SASH1: variants seen among roughly 807,000 people sequenced by gnomAD.
SASH1 encodes SAM and SH3 domain containing 1.
A neutral mutation model predicts 125.2 loss-of-function variants in SASH1; 44 were observed. That is an observed-to-expected ratio of 0.35 (90% CI 0.28 to 0.45). The LOEUF (loss-of-function observed/expected upper bound fraction) is 0.45. SASH1 is among the 20% of genes least tolerant of loss of function. SASH1 has a pLI of 1.00. For missense variants in SASH1, 1,426 were observed against 1,614.5 expected, an observed-to-expected ratio of 0.88 and a Z score of 2.00; for synonymous variants, 639 against 649.1, an observed-to-expected ratio of 0.98 and a Z score of 0.24.
At chr6:148,284,520 C>T (rs924254880) in intron 1 of SASH1, among the ~76,000 whole-genome samples, 1 of 152,102 alleles carries the variant, frequency 6.6e-6, no homozygotes, top group Non-Finnish European at 1.5e-5. Context: ...AATTGCATAA[C>T]CTAACCTAGA....
intron 8 of SASH1, among the ~76,000 whole-genome samples, chr6:148,507,617 C>T (rs1020699813): frequency 4.6e-5 from 7 of 152,082 alleles, no homozygotes; most frequent in South Asian, 2.1e-4. Flanking sequence ...GTGATCTGCC[C>T]GCCTCCGTTG....
intron 1 of SASH1, among the ~76,000 whole-genome samples, chr6:148,368,667 G>C (rs1583034413): frequency 6.6e-6 from 1 of 151,626 alleles, no homozygotes; most frequent in African/African-American, 2.4e-5. Context: ...TGATGTACAA[G>C]AATACCGACA....
At chr6:148,407,229 C>T (rs982685221) in intron 2 of SASH1, among the ~76,000 whole-genome samples, 1 of 152,194 alleles carries the variant, frequency 6.6e-6, no homozygotes, top group African/African-American at 2.4e-5. Context: ...TATTAAACAA[C>T]TCCCTATTTC....
chr6:148,477,550 G>A (rs1202573536), intron 7 of SASH1, among the ~76,000 whole-genome samples: 2 of 152,000 alleles, frequency 1.3e-5, no homozygotes, highest in Non-Finnish European at 2.9e-5. Flanking sequence ...TTGTGGGATG[G>A]AGTCTCACTC....
intron 4 of SASH1, among the ~76,000 whole-genome samples, chr6:148,448,108 TGG>T (rs2115029658): frequency 1.1e-5 from 1 of 92,862 alleles, no homozygotes; most frequent in Non-Finnish European, 2.1e-5. Context: ...TCTATTGCAG[TGG>T]AGAGAGTGTG....
the SASH1 span, among the ~76,000 whole-genome samples, chr6:148,243,854 C>T: frequency 6.6e-6 from 1 of 151,880 alleles, no homozygotes; most frequent in African/African-American, 2.4e-5. Context: ...CCAGGAAGAC[C>T]ACTCTTTCAT....
chr6:148,525,599 A>C (rs1781098474), intron 11 of SASH1, among the ~76,000 whole-genome samples: 1 of 152,138 alleles, frequency 6.6e-6, no homozygotes, highest in Non-Finnish European at 1.5e-5. Flanking sequence ...AGTTCCTTTA[A>C]TGCCTTTGCT....
chr6:148,224,708 C>T, the SASH1 span, among the ~76,000 whole-genome samples: 3 of 152,096 alleles, frequency 2.0e-5, no homozygotes, highest in African/African-American at 7.2e-5. Flanking sequence ...GCAGTTTGCA[C>T]ACCCCTGAGC....
At chr6:148,523,029 ATTC>A (rs1299841423) in intron 10 of SASH1, among the ~76,000 whole-genome samples, 2 of 152,242 alleles carry the variant, frequency 1.3e-5, no homozygotes, top group Non-Finnish European at 2.9e-5. Flanking sequence ...AAACTGGTCC[ATTC>A]TTTCAGTTTT....
At chr6:148,525,461 C>A in intron 11 of SASH1, 96 bp downstream of exon 11, 1 of 1,017,694 alleles carries the variant, frequency 9.8e-7, no homozygotes, top group Non-Finnish European at 1.5e-6. Context: ...ATACTGGGTA[C>A]CGTTTTCCTT....
the SASH1 span, among the ~76,000 whole-genome samples, chr6:148,211,514 T>G: frequency 3.3e-5 from 5 of 149,768 alleles, no homozygotes; most frequent in East Asian, 9.8e-4. Flanking sequence ...GAGGTTACAG[T>G]GAGCCAAGAT....
intron 1 of SASH1, among the ~76,000 whole-genome samples, chr6:148,288,955 G>A (rs530436398): frequency 2.5e-4 from 38 of 152,140 alleles, no homozygotes; most frequent in African/African-American, 8.2e-4. Context: ...AATCCCACAC[G>A]GTGCACAATT....
chr6:148,305,379 G>A (rs369051780), intron 1 of SASH1, among the ~76,000 whole-genome samples: 76 of 135,838 alleles, frequency 5.6e-4, no homozygotes, highest in African/African-American at 1.7e-3. Flanking sequence ...AAACCGAGGC[G>A]GGGGGATCAT....
At chr6:148,411,032 G>C (rs1784603647) in intron 2 of SASH1, among the ~76,000 whole-genome samples, 1 of 152,002 alleles carries the variant, frequency 6.6e-6, no homozygotes, top group Non-Finnish European at 1.5e-5. Flanking sequence ...GGTGGCGCAT[G>C]CCTGTAGTCC....
upstream of SASH1, among the ~76,000 whole-genome samples, chr6:148,341,153 T>C (rs1166580323): frequency 1.3e-5 from 2 of 151,022 alleles, no homozygotes; most frequent in Non-Finnish European, 3.0e-5. Flanking sequence ...TTCAGCATAC[T>C]TTTTTTTTCT....
chr6:148,284,453 T>C (rs1346234343), intron 1 of SASH1, among the ~76,000 whole-genome samples: 3 of 152,078 alleles, frequency 2.0e-5, no homozygotes, highest in Admixed American at 2.0e-4. Context: ...AAAAATAAAG[T>C]AATACATTTT....
chr6:148,314,218 G>A (rs1780415614), intron 1 of SASH1, among the ~76,000 whole-genome samples: 1 of 152,178 alleles, frequency 6.6e-6, no homozygotes, highest in Admixed American at 6.6e-5. Context: ...CATATGGTGA[G>A]TGGATGCAGC....
At chr6:148,217,878 G>A in the SASH1 span, among the ~76,000 whole-genome samples, 1 of 151,416 alleles carries the variant, frequency 6.6e-6, no homozygotes, top group Non-Finnish European at 1.5e-5. Context: ...AGCCGGGTGT[G>A]GTGGTGTGTG....
intron 2 of SASH1, among the ~76,000 whole-genome samples, chr6:148,436,934 A>G (rs1776315893): frequency 1.3e-5 from 2 of 152,352 alleles, no homozygotes; most frequent in South Asian, 4.1e-4. Context: ...CTCAGTGTAC[A>G]ACATGCCCAA....
Sources: allele counts gnomAD v4.1 joint callset (sites outside exome capture counted in the v4.1 genomes callset), GRCh38; gene constraint gnomAD v4.1.1; transcripts MANE v1.5; gene names NCBI Gene and HGNC (gene_info 2026-07-23, HGNC 2026-07-21).